The following FLT1 variants were observed in gnomAD, a reference collection of about 807,000 sequenced individuals.
FLT1 encodes the protein fms related receptor tyrosine kinase 1, also known as vascular endothelial growth factor receptor 1.
FLT1 carries 49 observed loss-of-function variants against 156.3 expected under a neutral mutation model. That is an observed-to-expected ratio of 0.31 (90% CI 0.25 to 0.40). The LOEUF (loss-of-function observed/expected upper bound fraction) is 0.40. Among genes scored for constraint, FLT1 ranks in the 10% least tolerant of loss-of-function variants. The pLI is 1.00. For synonymous variants in FLT1, 594 were observed against 583.8 expected (o/e 1.02, Z -0.25); for missense variants, 1,322 against 1,637.2 (o/e 0.81, Z 3.32).
chr13:28,411,879 C>G (rs552252905), intron 10 of FLT1, among the ~76,000 whole-genome samples: 60 of 152,290 alleles, frequency 3.9e-4, no homozygotes, highest in Non-Finnish European at 7.8e-4. Context: ...AGTCTCAAGA[C>G]AGATAATAAT....
At chr13:28,312,804 G>A (rs925422618) in intron 25 of FLT1, among the ~76,000 whole-genome samples, 10 of 152,064 alleles carry the variant, frequency 6.6e-5, no homozygotes, top group Admixed American at 3.9e-4. Flanking sequence ...CTGCAAAGCC[G>A]CTGTTACAAA....
intron 20 of FLT1, among the ~76,000 whole-genome samples, chr13:28,323,147 G>A (rs1223734224): frequency 6.6e-6 from 1 of 151,748 alleles, no homozygotes; most frequent in East Asian, 1.9e-4. Flanking sequence ...CTCTTGCCTG[G>A]GCTTCTAGAC....
At chr13:28,453,727 AT>A (rs1157400668) in intron 3 of FLT1, among the ~76,000 whole-genome samples, 1 of 152,176 alleles carries the variant, frequency 6.6e-6, no homozygotes, top group East Asian at 1.9e-4. Flanking sequence ...TGTGCCCTCA[AT>A]TTCCTTTTTA....
intron 14 of FLT1, among the ~76,000 whole-genome samples, chr13:28,373,585 A>G (rs1280477427): frequency 6.6e-6 from 1 of 152,214 alleles, no homozygotes; most frequent in Non-Finnish European, 1.5e-5. Flanking sequence ...GATTCTAGAC[A>G]TGTAAAATGG....
At chr13:28,444,005 C>A (rs1273092120) in intron 3 of FLT1, among the ~76,000 whole-genome samples, 2 of 152,078 alleles carry the variant, frequency 1.3e-5, no homozygotes, top group Non-Finnish European at 2.9e-5. Flanking sequence ...GAGGGTCAAT[C>A]CTTGAGGAAG....
chr13:28,450,445 G>T (rs1410628641), intron 3 of FLT1, among the ~76,000 whole-genome samples: 1 of 152,058 alleles, frequency 6.6e-6, no homozygotes, highest in South Asian at 2.1e-4. Context: ...TTAACCAGAT[G>T]ACTGACCTCA....
At chr13:28,455,899 C>A (rs1879233957) in intron 3 of FLT1, among the ~76,000 whole-genome samples, 1 of 152,082 alleles carries the variant, frequency 6.6e-6, no homozygotes, top group East Asian at 1.9e-4. Context: ...TGGGAAAATG[C>A]AAACTAAAAT....
chr13:28,325,567 C>T (rs1566287064), intron 20 of FLT1, among the ~76,000 whole-genome samples: 1 of 152,114 alleles, frequency 6.6e-6, no homozygotes, highest in Non-Finnish European at 1.5e-5. Context: ...GTAATCCCAG[C>T]ACTTTGTGAG....
At position 28,467,079 on chromosome 13, in the gene FLT1, C is replaced by T. The variant is rs570784764; in HGVS notation, c.212G>A (p.Ser71Asn). The part of the protein sequence containing the change: ...WSLPEMVSKE[S>N]ERLSITKSAC... ...AGATTTAGTTATGCTCAGCCTTTCG[C>T]TTTCCTTACTCACCATTTCAGGCAA... The change falls in exon 3 of 30, where the codon AGC becomes AAC. Residue 71 changes from serine to asparagine, a missense_variant. Around this residue, in one of 3 missense-constraint regions of FLT1, gnomAD observed 991 missense variants for 1,254.8 expected, o/e 0.79. Coordinates refer to ENST00000282397, the MANE Select transcript of FLT1 (RefSeq NM_002019.4). The T allele has an allele frequency of 1.2e-6, 2 of 1,614,194 alleles. No individual in the cohort carries two copies. Among genetic ancestry groups the T allele is most frequent in the African/African-American group, 1.3e-5 (1 of 75,072 alleles).
rs114489281 is a variant in FLT1 at position 28,365,358 on chromosome 13, C to A, written c.2117-7673G>T. On this transcript the variant is annotated intron_variant, in intron 14 of 29. Coordinates refer to ENST00000282397, the MANE Select transcript of FLT1 (RefSeq NM_002019.4). ...TCTTTAGAACTAACATGTAGAACTC[C>A]CTTTTTTTTTTTGAGGCGGAGTCTT... is the stretch of plus-strand genomic sequence containing the variant. 7.6e-3 allele frequency among the ~76,000 whole-genome samples: 1,129 copies of A among 149,400 alleles called. 11 individuals carry two copies. The highest frequency in any genetic ancestry group is 0.028 in the African/African-American group (1,083 of 39,320).
intron 11 of FLT1, among the ~76,000 whole-genome samples, chr13:28,403,500 TTTTCA>T (rs1359038332): frequency 3.3e-5 from 5 of 152,208 alleles, no homozygotes; most frequent in African/African-American, 7.2e-5. Context: ...GCTTTCTCAT[TTTTCA>T]TTTCATTTCC....
At chr13:28,309,103 C>T (rs535235991) in intron 27 of FLT1, among the ~76,000 whole-genome samples, 176 bp from the exon 28 acceptor site, 1 of 152,290 alleles carries the variant, frequency 6.6e-6, no homozygotes, top group South Asian at 2.1e-4. Flanking sequence ...ACAGCATTGC[C>T]ACTGCCTCCC....
chr13:28,369,441 C>T (rs1213051906), intron 14 of FLT1, among the ~76,000 whole-genome samples: 1 of 146,580 alleles, frequency 6.8e-6, no homozygotes, highest in African/African-American at 2.8e-5. Flanking sequence ...AGGAGAATTG[C>T]TTGAACCCAG....
intron 29 of FLT1, among the ~76,000 whole-genome samples, chr13:28,306,098 T>C (rs4771235): frequency 0.86 from 130,221 of 152,192 alleles, 57,395 homozygotes; most frequent in East Asian, 1. Context: ...GAAGCTGCAG[T>C]GGCATTCGGT....
chr13:28,445,884 C>T lies in FLT1; in HGVS notation c.389-7539G>A, dbSNP rs986853568. 5.9e-5 allele frequency among the ~76,000 whole-genome samples: 9 copies of T among 152,010 alleles called. No homozygotes were observed. The East Asian group carries it at 7.7e-4, about 13-fold the overall frequency. ...GAAAATGACAAACCAATATCTATTA[C>T]GAATATAGCTGCAAAAAACTCAATA... is the stretch of plus-strand genomic sequence containing the variant. On this transcript the variant is annotated intron_variant, in intron 3 of 29. Coordinates refer to ENST00000282397, the MANE Select transcript of FLT1 (RefSeq NM_002019.4).
At chr13:28,377,088 C>T (rs1026149873) in intron 14 of FLT1, among the ~76,000 whole-genome samples, 3 of 152,102 alleles carry the variant, frequency 2.0e-5, no homozygotes, top group Admixed American at 1.3e-4. Flanking sequence ...ACTGCATTTT[C>T]CTCTCTTATC....
intron 26 of FLT1, 21 bp downstream of exon 26, chr13:28,311,972 T>G: frequency 6.7e-7 from 1 of 1,493,774 alleles, no homozygotes; most frequent in Admixed American, 1.7e-5. Flanking sequence ...GGCATTTTGA[T>G]GTAAATAAAT....
chr13:28,478,757 A>G (rs1204311207), intron 1 of FLT1, among the ~76,000 whole-genome samples: 1 of 152,218 alleles, frequency 6.6e-6, no homozygotes. Context: ...TTTGTATAAT[A>G]AAATGAATAA....
intron 1 of FLT1, among the ~76,000 whole-genome samples, chr13:28,475,869 G>C (rs1240104319): frequency 6.6e-6 from 1 of 152,128 alleles, no homozygotes; most frequent in African/African-American, 2.4e-5. Flanking sequence ...TTGATGAAGA[G>C]CATTATAATG....
Sources: gnomAD v4.1 joint callset for allele counts (sites outside exome capture counted in the v4.1 genomes callset) on GRCh38, gnomAD v4.1.1 for gene constraint, gnomAD v4.1.1 regional missense constraint, MANE v1.5 for transcripts, NCBI Gene and HGNC (gene_info 2026-07-23, HGNC 2026-07-21) for gene names.